Variants in TRPM3 observed in about 807,000 individuals in gnomAD.
TRPM3 encodes the protein long transient receptor potential channel 3.
Under a neutral mutation model 181.2 loss-of-function variants are expected in TRPM3, and 77 were observed. The observed-to-expected ratio is 0.42, with a 90% CI of 0.35 to 0.51. The LOEUF (loss-of-function observed/expected upper bound fraction) is 0.51. TRPM3 is among the 20% of genes least tolerant of loss of function. The pLI is 0.01. For synonymous variants in TRPM3, 745 were observed against 796.4 expected, an observed-to-expected ratio of 0.94 and a Z score of 1.09; for missense variants, 1,759 against 2,196.7, an observed-to-expected ratio of 0.80 and a Z score of 3.98.
At chr9:70,961,122 A>G (rs1385634762) in intron 1 of TRPM3, among the ~76,000 whole-genome samples, 5 of 152,172 alleles carry the variant, frequency 3.3e-5, no homozygotes, top group Non-Finnish European at 7.4e-5. Flanking sequence ...AGGTCCTTAC[A>G]GAGGAAGGCA....
intron 1 of TRPM3, among the ~76,000 whole-genome samples, chr9:71,263,401 A>G (rs1381971184): frequency 6.6e-6 from 1 of 152,224 alleles, no homozygotes; most frequent in East Asian, 1.9e-4. Context: ...TACTTCCAAG[A>G]CTGCGAGAAA....
At position 70,743,791 on chromosome 9, in the gene TRPM3, C is replaced by T. The variant is rs181907478; in HGVS notation, c.1272+17810G>A. ...AGTTAGAACTCAAACTACCAATTGT[C>T]ATGCAAATTATTTAGTAAGTAAGCT... is the stretch of plus-strand genomic sequence containing the variant. On this transcript the variant is annotated intron_variant, in intron 8 of 25. Coordinates refer to ENST00000677713, the MANE Select transcript of TRPM3 (RefSeq NM_001366145.2). Among the ~76,000 whole-genome samples, 497 of 152,184 alleles carry T rather than the reference C, an allele frequency of 3.3e-3. 1 individual carries two copies. Among genetic ancestry groups the T allele is most frequent in the Middle Eastern group, 0.01 (3 of 294 alleles).
intron 1 of TRPM3, among the ~76,000 whole-genome samples, chr9:71,097,872 A>G (rs2067594417): frequency 6.6e-6 from 1 of 152,170 alleles, no homozygotes; most frequent in African/African-American, 2.4e-5. Context: ...GCTGCCAAAT[A>G]TCACAGATGG....
At chr9:70,901,419 G>A (rs1474531722) in intron 1 of TRPM3, among the ~76,000 whole-genome samples, 1 of 152,082 alleles carries the variant, frequency 6.6e-6, no homozygotes, top group East Asian at 1.9e-4. Context: ...CTTTGCGTAA[G>A]GGAAATTATT....
chr9:71,171,210 T>C (rs2076836176), intron 1 of TRPM3, among the ~76,000 whole-genome samples: 1 of 152,206 alleles, frequency 6.6e-6, no homozygotes, highest in Admixed American at 6.5e-5. Context: ...CAATGGTGCC[T>C]GAAACTTCAT....
At chr9:70,563,424 A>T (rs1485997750) in intron 22 of TRPM3, among the ~76,000 whole-genome samples, 6 of 152,216 alleles carry the variant, frequency 3.9e-5, no homozygotes, top group Admixed American at 3.9e-4. Flanking sequence ...CCCTGCTCAC[A>T]GCTGGAAGAG....
At chr9:71,016,728 TA>T (rs1339614054) in intron 1 of TRPM3, among the ~76,000 whole-genome samples, 3 of 152,312 alleles carry the variant, frequency 2.0e-5, no homozygotes, top group South Asian at 2.1e-4. Flanking sequence ...AAGATTATGA[TA>T]CAATTTTTTT....
rs114041041 is a variant in TRPM3, at chr9:70,697,058, A to C, written c.1273-15480T>G. 5.0e-3 allele frequency among the ~76,000 whole-genome samples: 762 copies of C among 152,272 alleles called. 9 individuals are homozygous for C. Among genetic ancestry groups the C allele is most frequent in the African/African-American group, 0.017 (720 of 41,546 alleles). On this transcript the variant is annotated intron_variant, in intron 8 of 25. Coordinates refer to ENST00000677713, the MANE Select transcript of TRPM3 (RefSeq NM_001366145.2). ...TTTTCTAGGGCCACTCGAGAAGAAG[A>C]AGCAAAGCAGCGTCCTTTGTCTTAT...
chr9:71,035,821 C>T (rs1409670044), intron 1 of TRPM3, among the ~76,000 whole-genome samples: 1 of 152,040 alleles, frequency 6.6e-6, no homozygotes, highest in African/African-American at 2.4e-5. Flanking sequence ...AAAAATTTCA[C>T]AGTTACTACC....
At chr9:70,983,319 T>C (rs940929928) in intron 1 of TRPM3, among the ~76,000 whole-genome samples, 1 of 152,122 alleles carries the variant, frequency 6.6e-6, no homozygotes. Flanking sequence ...ATACCTCATA[T>C]ATTCTCACTT....
intron 1 of TRPM3, among the ~76,000 whole-genome samples, chr9:71,365,818 G>A (rs934650711): frequency 4.6e-5 from 7 of 151,974 alleles, no homozygotes; most frequent in South Asian, 2.1e-4. Flanking sequence ...TAAATATAGC[G>A]AATACAGAGG....
chr9:70,616,861 C>T (rs2062867279), intron 17 of TRPM3, among the ~76,000 whole-genome samples: 1 of 152,180 alleles, frequency 6.6e-6, no homozygotes, highest in South Asian at 2.1e-4. Flanking sequence ...AGGGCGGTCT[C>T]ATTCTTCAGA....
intron 1 of TRPM3, among the ~76,000 whole-genome samples, chr9:71,273,445 C>T (rs1004785917): frequency 1.3e-5 from 2 of 152,168 alleles, no homozygotes; most frequent in Non-Finnish European, 2.9e-5. Context: ...TCTCTTTCAC[C>T]TCTTGGCATA....
chr9:71,446,884 TC>T (rs2094211021), upstream of TRPM3: 1 of 1,455,440 alleles, frequency 6.9e-7, no homozygotes, highest in Non-Finnish European at 9.1e-7. Flanking sequence ...CCGAGCGCTC[TC>T]GCTGGCTCCT....
chr9:70,689,411 G>T (rs2067865615), intron 8 of TRPM3, among the ~76,000 whole-genome samples: 3 of 151,912 alleles, frequency 2.0e-5, no homozygotes, highest in African/African-American at 7.2e-5. Context: ...GAAGGGCACA[G>T]TTTTAAGGTT....
chr9:70,853,970 C>T (rs2095314346), intron 3 of TRPM3, among the ~76,000 whole-genome samples: 1 of 152,110 alleles, frequency 6.6e-6, no homozygotes. Flanking sequence ...AATGATATTC[C>T]TATGCTCATA....
chr9:71,030,322 T>C (rs1325426172), intron 1 of TRPM3, among the ~76,000 whole-genome samples: 1 of 152,304 alleles, frequency 6.6e-6, no homozygotes, highest in East Asian at 1.9e-4. Context: ...CCCAGCACTT[T>C]CGTAGGCCGA....
chr9:71,405,243 G>A (rs988329842), intron 1 of TRPM3, among the ~76,000 whole-genome samples: 5 of 152,076 alleles, frequency 3.3e-5, no homozygotes, highest in Non-Finnish European at 5.9e-5. Context: ...TTTTGCACTT[G>A]CTTACTTACT....
At chr9:71,090,076 T>C (rs1051890316) in intron 1 of TRPM3, among the ~76,000 whole-genome samples, 16 of 152,190 alleles carry the variant, frequency 1.1e-4, no homozygotes, top group African/African-American at 3.9e-4. Flanking sequence ...TAGACAAGCT[T>C]GCCCTACATT....
Sources: gnomAD v4.1 joint callset for allele counts (sites outside exome capture counted in the v4.1 genomes callset) on GRCh38, gnomAD v4.1.1 for gene constraint, MANE v1.5 for transcripts, NCBI Gene and HGNC (gene_info 2026-07-23, HGNC 2026-07-21) for gene names.